Variants in AGK observed in about 807,000 individuals in gnomAD.
AGK encodes acylglycerol kinase.
A neutral mutation model predicts 66.4 loss-of-function variants in AGK; 52 were observed. That is an observed-to-expected ratio of 0.78 (90% CI 0.63 to 0.99). The LOEUF is 0.99. Ranked by LOEUF, AGK falls within the 50% of genes least tolerant of loss-of-function variation. The pLI, the probability that AGK is intolerant of heterozygous loss-of-function variation, is 0.00. For synonymous variants in AGK, 182 were observed against 181.1 expected (o/e 1.00, Z -0.04); for missense variants, 451 against 506.6 (o/e 0.89, Z 1.05).
chr7:141,641,317 G>A lies in AGK; in HGVS notation c.796G>A (p.Glu266Lys). Reference protein sequence around the residue: ...GPTERPPNEPEETPVQRPSLY... With the variant: ...GPTERPPNEPKETPVQRPSLY... ...TACAGAGAGACCTCCCAATGAACCA[G>A]AGGAGACCCCTGTACAAAGGCCTTC... is the stretch of plus-strand genomic sequence containing the variant. Residue 266 changes from glutamate to lysine, a missense_variant, in exon 12 of 16, where the codon GAG becomes AAG. Transcript: ENST00000649286. 1 of 1,613,954 alleles carries A rather than the reference G, an allele frequency of 6.2e-7. No individual in the cohort carries two copies. Among genetic ancestry groups the A allele is most frequent in the Non-Finnish European group, 8.5e-7 (1 of 1,179,938 alleles).
At chr7:141,638,216 TAAG>T (rs1278461358) in intron 11 of AGK, among the ~76,000 whole-genome samples, 7 of 151,848 alleles carry the variant, frequency 4.6e-5, no homozygotes, top group African/African-American at 1.7e-4. Flanking sequence ...ATAGAAAGAT[TAAG>T]AAGGGAGCAG....
chr7:141,622,937 AGCTAGAAAT>A (rs1381668675), intron 9 of AGK, among the ~76,000 whole-genome samples: 1 of 152,150 alleles, frequency 6.6e-6, no homozygotes, highest in Non-Finnish European at 1.5e-5. Context: ...AAAGAAAAAA[AGCTAGAAAT>A]AGGTATGCTT....
chr7:141,602,591 C>T (rs1341538661), intron 5 of AGK, among the ~76,000 whole-genome samples: 1 of 151,966 alleles, frequency 6.6e-6, no homozygotes, highest in Non-Finnish European at 1.5e-5. Context: ...CCTCAGTAAT[C>T]TTGTGAGAGG....
At chr7:141,651,410 G>A in intron 14 of AGK, 115 bp from the exon 15 acceptor site, 2 of 797,722 alleles carry the variant, frequency 2.5e-6, no homozygotes, top group Non-Finnish European at 4.3e-6. Context: ...TGGCTTAATA[G>A]ACCATCTGTC....
In AGK at chr7:141,572,776, C is replaced by A. The variant is rs147192522; in HGVS notation, c.101+17209C>A. ...GAGATTTTATATTCTGTTTTAGATA[C>A]GTTGAGTTTGAAACCCCGACAGGCT... On this transcript the variant is annotated intron_variant, in intron 2 of 15. Transcript: ENST00000649286. 8.0e-3 allele frequency among the ~76,000 whole-genome samples: 1,222 copies of A among 152,012 alleles called. 10 individuals are homozygous for A. The highest frequency in any genetic ancestry group is 0.01 in the Non-Finnish European group (712 of 67,982).
rs387907025 is a variant in AGK at position 141,641,362 on chromosome 7, C to T, written c.841C>T (p.Arg281Ter). The stretch of plus-strand genomic sequence containing the variant: ...GCCTTCTTTGTACAGGAGAATATTA[C>T]GAAGGCTTGCGTCCTACTGGGCACA... ...QRPSLYRRIL[R>*]RLASYWAQPQ... Residue 281 changes from arginine to a stop codon, truncating the protein, a stop_gained, in exon 12 of 16, where the codon CGA becomes TGA. Transcript: ENST00000649286. LOFTEE classifies it high-confidence loss of function. 18 of 1,613,308 alleles carry T rather than the reference C, an allele frequency of 1.1e-5. No homozygotes were observed. The highest frequency in any genetic ancestry group is 1.3e-5 in the African/African-American group (1 of 74,842).
In AGK at chr7:141,641,322, G is replaced by A; in HGVS notation, c.801G>A (p.Glu267=). Reference sequence around the variant, plus strand: ...AGAGACCTCCCAATGAACCAGAGGAGACCCCTGTACAAAGGCCTTCTTTGT... The same window carrying A: ...AGAGACCTCCCAATGAACCAGAGGAAACCCCTGTACAAAGGCCTTCTTTGT... ...PTERPPNEPE[E]TPVQRPSLYR... The change falls in exon 12 of 16, where the codon GAG becomes GAA. Residue 267 remains glutamate (E), a synonymous_variant. Coordinates refer to ENST00000649286, the MANE Select transcript of AGK (RefSeq NM_018238.4). 6.2e-7 allele frequency: 1 copy of A among 1,613,968 alleles called. No homozygotes were observed. Among genetic ancestry groups the A allele is most frequent in the South Asian group, 1.1e-5 (1 of 91,060 alleles).
intron 6 of AGK, among the ~76,000 whole-genome samples, chr7:141,612,888 A>G (rs1796622107): frequency 6.6e-6 from 1 of 152,156 alleles, no homozygotes; most frequent in African/African-American, 2.4e-5. Flanking sequence ...ATTCCTGTAT[A>G]CTATATTTCA....
chr7:141,564,967 T>G (rs1391302539), intron 2 of AGK, among the ~76,000 whole-genome samples: 1 of 152,110 alleles, frequency 6.6e-6, no homozygotes, highest in Non-Finnish European at 1.5e-5. Flanking sequence ...CCTCAGGTGA[T>G]CCGCCCTCCT....
intron 10 of AGK, among the ~76,000 whole-genome samples, chr7:141,634,408 GC>G (rs1797125142): frequency 6.6e-6 from 1 of 152,182 alleles, no homozygotes; most frequent in Non-Finnish European, 1.5e-5. Flanking sequence ...TTTTGTGAAG[GC>G]CTCGCAGATT....
In AGK at chr7:141,615,575, CA is replaced by C; in HGVS notation, c.518+12del. 6.2e-7 allele frequency: 1 copy of C among 1,603,312 alleles called. No individual in the cohort carries two copies. The highest frequency in any genetic ancestry group is 8.5e-7 in the Non-Finnish European group (1 of 1,170,408). ...GTGGAAACAAAGTCCAGTAGGTTGT[CA>C]ATGTGGGGAATTAGCATTTGTGGGT... On this transcript the variant is annotated intron_variant, in intron 8 of 15. Coordinates refer to ENST00000649286, the MANE Select transcript of AGK (RefSeq NM_018238.4).
In AGK at chr7:141,596,685, G is replaced by C. The variant is rs1796234961; in HGVS notation, c.221+44G>C. On this transcript the variant is annotated intron_variant, in intron 4 of 15. Coordinates refer to ENST00000649286, the MANE Select transcript of AGK (RefSeq NM_018238.4). The stretch of plus-strand genomic sequence containing the variant: ...TGTTATATACTTGCTTTTTCTAAGG[G>C]GGAAAGAAATCACAGACTATCAGGC... The C allele has an allele frequency of 2.6e-6, 4 of 1,554,578 alleles. No individual in the cohort carries two copies. In the South Asian group the frequency reaches 4.5e-5, roughly 17 times the overall value.
At chr7:141,628,616 A>G (rs1796991292) in intron 9 of AGK, among the ~76,000 whole-genome samples, 1 of 152,256 alleles carries the variant, frequency 6.6e-6, no homozygotes, top group South Asian at 2.1e-4. Flanking sequence ...AGATTGTTCA[A>G]TCTGTGTTCA....
intron 5 of AGK, among the ~76,000 whole-genome samples, chr7:141,604,700 C>T (rs892230979): frequency 2.0e-5 from 3 of 150,606 alleles, no homozygotes; most frequent in African/African-American, 7.3e-5. Context: ...TCTCCTGCCT[C>T]AGCCTCCTGA....
At chr7:141,556,265 G>A (rs1053336689) in intron 2 of AGK, among the ~76,000 whole-genome samples, 3 of 151,962 alleles carry the variant, frequency 2.0e-5, no homozygotes, top group Non-Finnish European at 2.9e-5. Context: ...AATGGGAGGC[G>A]GTGGGGCGCA....
rs117985709 is a variant in AGK at position 141,573,593 on chromosome 7, C to T, written c.101+18026C>T. Among the ~76,000 whole-genome samples, 1,426 of 152,280 alleles carry T rather than the reference C, an allele frequency of 9.4e-3. 19 individuals are homozygous for T. Among genetic ancestry groups the T allele is most frequent in the Non-Finnish European group, 0.011 (748 of 68,028 alleles). On this transcript the variant is annotated intron_variant, in intron 2 of 15. Coordinates refer to ENST00000649286, the MANE Select transcript of AGK (RefSeq NM_018238.4). ...AACTGACATCTCAAACATTTCATGTCCCAGAACAGCAAAAAGATTGACAGT... is the reference window on the plus strand; with the variant it reads ...AACTGACATCTCAAACATTTCATGTTCCAGAACAGCAAAAAGATTGACAGT...
chr7:141,573,322 CTT>C (rs1398706455), intron 2 of AGK, among the ~76,000 whole-genome samples: 4 of 151,948 alleles, frequency 2.6e-5, no homozygotes, highest in African/African-American at 7.2e-5. Context: ...TCTTTCAACT[CTT>C]TTGTTAGATT....
chr7:141,622,842 G>A (rs1796854735), intron 9 of AGK, among the ~76,000 whole-genome samples: 1 of 151,684 alleles, frequency 6.6e-6, no homozygotes, highest in Admixed American at 6.6e-5. Context: ...GATCACTTGA[G>A]CAGGAGTTCA....
intron 2 of AGK, among the ~76,000 whole-genome samples, chr7:141,560,914 C>T (rs1167556370): frequency 6.6e-6 from 1 of 151,954 alleles, no homozygotes; most frequent in Non-Finnish European, 1.5e-5. Context: ...CTGCCTCAGC[C>T]TCCCAAGTAG....
Sources: gnomAD v4.1 joint callset for allele counts (sites outside exome capture counted in the v4.1 genomes callset) on GRCh38, gnomAD v4.1.1 for gene constraint, MANE v1.5 for transcripts, NCBI Gene and HGNC (gene_info 2026-07-23, HGNC 2026-07-21) for gene names.